Variants in AGBL1 observed in about 807,000 individuals in gnomAD.
AGBL1 encodes the protein cytosolic carboxypeptidase 4.
AGBL1 carries 130 observed loss-of-function variants against 118.9 expected under a neutral mutation model. The observed-to-expected ratio is 1.09, with a 90% CI of 0.95 to 1.26. The LOEUF (loss-of-function observed/expected upper bound fraction) is 1.26, where lower values mean the gene tolerates loss of function less well. AGBL1 is among the 50% of genes most tolerant of loss of function. AGBL1 has a pLI of 0.00. For missense variants in AGBL1, 1,584 were observed against 1,298.1 expected, an observed-to-expected ratio of 1.22 and a Z score of -3.38; for synonymous variants, 555 against 478.9, an observed-to-expected ratio of 1.16 and a Z score of -2.08.
rs189199816 is a variant in AGBL1, at chr15:86,464,320, G to A, written c.2556-58490G>A. Reference sequence around the variant, plus strand: ...CTGAGACTTTGCTGAAGTTGCTTATGAGCTTAAGGTGTTTTGGGGCTAAGA... The same window carrying A: ...CTGAGACTTTGCTGAAGTTGCTTATAAGCTTAAGGTGTTTTGGGGCTAAGA... On this transcript the variant is annotated intron_variant, in intron 18 of 22. Transcript: ENST00000614907. Among the ~76,000 whole-genome samples the A allele has an allele frequency of 4.7e-4, 71 of 152,148 alleles. 1 individual carries two copies. The highest frequency in any genetic ancestry group is 4.1e-3 in the Admixed American group (62 of 15,272).
intron 20 of AGBL1, 88 bp downstream of exon 20, chr15:86,546,221 G>GTT (rs374062180): frequency 0.034 from 34,759 of 1,029,634 alleles, no homozygotes; most frequent in East Asian, 0.042. Context: ...CATTTATTTA[G>GTT]TTTTTTTTTT....
At chr15:86,188,267 T>C (rs922646810) in intron 5 of AGBL1, among the ~76,000 whole-genome samples, 6 of 152,194 alleles carry the variant, frequency 3.9e-5, no homozygotes, top group Non-Finnish European at 8.8e-5. Context: ...CTGTCAGTTC[T>C]TGTTAATGAT....
At position 86,650,485 on chromosome 15, in the gene AGBL1, T is replaced by C. The variant is rs890930775; in HGVS notation, c.2995-23788T>C. 1.3e-5 allele frequency among the ~76,000 whole-genome samples: 2 copies of C among 152,214 alleles called. 1 individual carries two copies. The highest frequency in any genetic ancestry group is 2.9e-5 in the Non-Finnish European group (2 of 68,034). On this transcript the variant is annotated intron_variant, in intron 21 of 22. Coordinates refer to ENST00000614907, the MANE Select transcript of AGBL1 (RefSeq NM_001386094.1). ...ATAAGCTACTGTTATTGTGGTTTTTTCTGGGCCTCACAGATGAATTTCAGC... is the reference window on the plus strand; with the variant it reads ...ATAAGCTACTGTTATTGTGGTTTTTCCTGGGCCTCACAGATGAATTTCAGC...
intron 5 of AGBL1, among the ~76,000 whole-genome samples, chr15:86,164,598 C>G (rs1203082971): frequency 6.6e-6 from 1 of 152,180 alleles, no homozygotes; most frequent in Admixed American, 6.5e-5. Context: ...AAAGTACAGC[C>G]ACATCCCCTC....
chr15:86,332,260 T>C (rs2080282451), intron 17 of AGBL1, among the ~76,000 whole-genome samples: 1 of 152,166 alleles, frequency 6.6e-6, no homozygotes, highest in South Asian at 2.1e-4. Context: ...AATAAGTACT[T>C]CTGAACCTAT....
chr15:86,248,027 T>G, intron 7 of AGBL1, 148 bp downstream of exon 7: 1 of 1,144,358 alleles, frequency 8.7e-7, no homozygotes, highest in African/African-American at 1.5e-5. Flanking sequence ...GATTTAAGGC[T>G]TCATTCCAGG....
chr15:86,481,405 G>T (rs1036107815), intron 18 of AGBL1, among the ~76,000 whole-genome samples: 1 of 152,026 alleles, frequency 6.6e-6, no homozygotes, highest in Non-Finnish European at 1.5e-5. Flanking sequence ...TCTTACTACT[G>T]CCCTGTATTG....
intron 1 of AGBL1, among the ~76,000 whole-genome samples, chr15:86,120,742 A>G (rs900589466): frequency 6.6e-6 from 1 of 152,188 alleles, no homozygotes; most frequent in Non-Finnish European, 1.5e-5. Context: ...TGAGTAAAAT[A>G]TAAGACAAGA....
rs780288036 is a variant in AGBL1 at position 86,636,758 on chromosome 15, T to TATATATATATATATAC, written c.2995-37514_2995-37513insTATATATATATATACA. On this transcript the variant is annotated intron_variant, in intron 21 of 22. Transcript: ENST00000614907. Reference sequence around the variant, plus strand: ...ATATATATATATATATATATATATATACACATACATACAGAAAGGCAAGAG... The same window carrying TATATATATATATATAC: ...ATATATATATATATATATATATATATATATATATATATATACACACATACATACAGAAAGGCAAGAG... 5.3e-4 allele frequency among the ~76,000 whole-genome samples: 16 copies of TATATATATATATATAC among 29,988 alleles called. 5 individuals are homozygous for TATATATATATATATAC. Among genetic ancestry groups the TATATATATATATATAC allele is most frequent in the Non-Finnish European group, 8.5e-4 (14 of 16,468 alleles). 19.7% of individuals were successfully genotyped at this position (29,988 alleles called of 152,430 possible).
intron 23 of AGBL1, among the ~76,000 whole-genome samples, chr15:86,984,465 G>A (rs573554184): frequency 6.0e-5 from 9 of 151,114 alleles, no homozygotes; most frequent in Middle Eastern, 3.4e-3. Flanking sequence ...CGCTGGGTTC[G>A]AGCAATTCTC....
At chr15:86,487,348 G>A (rs1426635133) in intron 18 of AGBL1, among the ~76,000 whole-genome samples, 1 of 152,046 alleles carries the variant, frequency 6.6e-6, no homozygotes, top group East Asian at 1.9e-4. Flanking sequence ...ATGAAGTGAA[G>A]CCCTAATCCT....
At chr15:86,899,796 TG>T in intron 22 of AGBL1, among the ~76,000 whole-genome samples, 1 of 152,244 alleles carries the variant, frequency 6.6e-6, no homozygotes, top group East Asian at 1.9e-4. Flanking sequence ...TGATGCATAT[TG>T]TGAGTGTTAA....
chr15:86,662,224 A>T (rs536803797), intron 21 of AGBL1, among the ~76,000 whole-genome samples: 1 of 152,360 alleles, frequency 6.6e-6, no homozygotes, highest in African/African-American at 2.4e-5. Flanking sequence ...ATATTCTGCT[A>T]TGCCTCTGTG....
At chr15:86,755,213 G>T (rs1200831419) in intron 22 of AGBL1, among the ~76,000 whole-genome samples, 1 of 152,108 alleles carries the variant, frequency 6.6e-6, no homozygotes, top group African/African-American at 2.4e-5. Context: ...TAAAAGTAGG[G>T]TGGATGACCT....
chr15:86,625,704 A>C (rs2084876828), intron 21 of AGBL1, among the ~76,000 whole-genome samples: 1 of 152,138 alleles, frequency 6.6e-6, no homozygotes, highest in Admixed American at 6.5e-5. Flanking sequence ...TGGCAGGTAA[A>C]GGATAAACAG....
intron 1 of AGBL1, among the ~76,000 whole-genome samples, chr15:86,137,420 C>A (rs2076903561): frequency 6.6e-6 from 1 of 152,122 alleles, no homozygotes; most frequent in Non-Finnish European, 1.5e-5. Context: ...TCTGTCACAT[C>A]TGAATTTACT....
At chr15:87,025,787 A>G (rs1013632036) in intron 24 of AGBL1, among the ~76,000 whole-genome samples, 1 of 152,126 alleles carries the variant, frequency 6.6e-6, no homozygotes, top group Admixed American at 6.6e-5. Flanking sequence ...CCAAGACAGC[A>G]TGGTACTGGT....
chr15:86,488,356 G>A (rs898590666), intron 18 of AGBL1, among the ~76,000 whole-genome samples: 7 of 151,692 alleles, frequency 4.6e-5, no homozygotes, highest in Middle Eastern at 3.4e-3. Context: ...AAAATGTGAA[G>A]TCCAGTTCCA....
intron 17 of AGBL1, among the ~76,000 whole-genome samples, chr15:86,334,948 A>AT (rs2080339509): frequency 6.6e-6 from 1 of 152,216 alleles, no homozygotes; most frequent in Admixed American, 6.5e-5. Flanking sequence ...AAATAAAGGC[A>AT]TTTTTTAGAA....
Sources: gnomAD v4.1 joint callset for allele counts (sites outside exome capture counted in the v4.1 genomes callset) on GRCh38, gnomAD v4.1.1 for gene constraint, MANE v1.5 for transcripts, NCBI Gene and HGNC (gene_info 2026-07-23, HGNC 2026-07-21) for gene names.